The following MAX variants were observed in gnomAD, a reference collection of about 807,000 sequenced individuals.
MAX encodes the protein MYC associated transcriptional regulator X.
Under a neutral mutation model 22.3 loss-of-function variants are expected in MAX, and 3 were observed. The ratio of observed to expected loss-of-function variants is 0.13; its 90% confidence interval spans 0.06 to 0.35. The LOEUF is 0.35. Among genes scored for constraint, MAX ranks in the 10% least tolerant of loss-of-function variants. The pLI, the probability that MAX is intolerant of heterozygous loss-of-function variation, is 1.00. For synonymous variants in MAX, 72 were observed against 77.7 expected (o/e 0.93, Z 0.39); for missense variants, 119 against 209.4 (o/e 0.57, Z 2.66).
intron 3 of MAX, chr14:65,015,825 C>A: frequency 7.8e-7 from 1 of 1,289,110 alleles, no homozygotes; most frequent in Non-Finnish European, 1.1e-6. Flanking sequence ...AACAGTGCCA[C>A]AAAGAAATCT....
At chr14:65,085,893 T>C (rs570469888) in intron 3 of MAX, among the ~76,000 whole-genome samples, 68 of 151,994 alleles carry the variant, frequency 4.5e-4, no homozygotes, top group African/African-American at 1.4e-3. Flanking sequence ...AGAAGAGGGG[T>C]TGATATGGTT....
chr14:65,084,042 G>C lies in MAX; in HGVS notation c.172-6006C>G. ...CAGCACAGACCCATGGCTCCTTGAAGGCTTCCTGCTGCCAGGGCCTCCCCA... is the reference window on the plus strand; with the variant it reads ...CAGCACAGACCCATGGCTCCTTGAACGCTTCCTGCTGCCAGGGCCTCCCCA... On this transcript the variant is annotated intron_variant, in intron 3 of 4. Transcript: ENST00000358664. The surrounding 1 kb of genome is among the most constrained non-coding windows in gnomAD (Gnocchi z 4.3). 1 of 1,589,368 alleles carries C rather than the reference G, an allele frequency of 6.3e-7. No individual in the cohort carries two copies. The highest frequency in any genetic ancestry group is 2.3e-5 in the East Asian group (1 of 44,088).
chr14:65,037,254 C>T (rs986161127), intron 3 of MAX, among the ~76,000 whole-genome samples: 1 of 151,244 alleles, frequency 6.6e-6, no homozygotes, highest in African/African-American at 2.4e-5. Context: ...CAGAAGCCCA[C>T]GACCACGCCC....
intron 3 of MAX, among the ~76,000 whole-genome samples, chr14:65,089,373 G>A (rs986076465): frequency 2.6e-5 from 4 of 152,032 alleles, no homozygotes; most frequent in African/African-American, 9.7e-5. Context: ...CTCCAACACA[G>A]CTCTCCCCAT....
intron 3 of MAX, among the ~76,000 whole-genome samples, chr14:65,068,679 CA>C (rs2062956239): frequency 6.6e-6 from 1 of 152,128 alleles, no homozygotes; most frequent in African/African-American, 2.4e-5. Flanking sequence ...GTCTGTTTAA[CA>C]GACCCCACAC....
chr14:65,061,529 ATCTATCAGC>A (rs2062865342), intron 3 of MAX: 14 of 698,184 alleles, frequency 2.0e-5, no homozygotes, highest in Non-Finnish European at 3.1e-5. Flanking sequence ...CAAACCAAAA[ATCTATCAGC>A]CCACGTGGTG....
intron 3 of MAX, among the ~76,000 whole-genome samples, chr14:65,010,066 T>A (rs1192337796): frequency 6.6e-6 from 1 of 152,220 alleles, no homozygotes; most frequent in African/African-American, 2.4e-5. Flanking sequence ...CTGCTCTGAA[T>A]GCTCTTGGAG....
In MAX at chr14:65,012,367, G is replaced by A. The variant is rs1244667794; in HGVS notation, c.172-6083C>T. On this transcript the variant is annotated intron_variant, in intron 3 of 3. Transcript: ENST00000341653. The surrounding 1 kb of genome is among the most constrained non-coding windows in gnomAD (Gnocchi z 5.0). ...TTCCATTATCTGAAAAGAGGCCTTC[G>A]ACAACTGACAGATGCCTATGAGGTA... is the stretch of plus-strand genomic sequence containing the variant. The A allele has an allele frequency of 4.3e-6, 7 of 1,613,976 alleles. No homozygotes were observed. The South Asian group carries it at 4.4e-5, about 10-fold the overall frequency.
In MAX at chr14:65,044,332, A is replaced by G. The variant is rs1328133812; in HGVS notation, c.172-38048T>C. On this transcript the variant is annotated intron_variant, in intron 3 of 3. Transcript: ENST00000341653. This position sits in a 1 kb window ranked among gnomAD's most constrained non-coding sequence, Gnocchi z 5.5. ...TCAGCAATGGGTGACAAGCCGGCAG[A>G]TGCGATTTGAAGGAGGATTTCAGGG... 6.2e-7 allele frequency: 1 copy of G among 1,613,444 alleles called. No individual in the cohort carries two copies. The highest frequency in any genetic ancestry group is 8.5e-7 in the Non-Finnish European group (1 of 1,179,824).
At chr14:65,055,626 C>T (rs984208447) in intron 3 of MAX, among the ~76,000 whole-genome samples, 30 of 152,046 alleles carry the variant, frequency 2.0e-4, no homozygotes, top group Admixed American at 5.2e-4. Context: ...AAGCAATTCT[C>T]GTGCCTCAGC....
chr14:65,093,612 C>T lies in MAX; in HGVS notation c.171+96G>A. 1 of 768,578 alleles carries T rather than the reference C, an allele frequency of 1.3e-6. No individual in the cohort carries two copies. Among genetic ancestry groups the T allele is most frequent in the Non-Finnish European group, 2.4e-6 (1 of 418,294 alleles). The allele number at this position is 768,578 out of a possible 1,614,324, so 47.6% of individuals were successfully genotyped here. ...AACCATGCTACCTGAATATCTCTGA[C>T]TACATTTCCTTCCCAATAGGTGAGT... On this transcript the variant is annotated intron_variant, in intron 3 of 4. Transcript: ENST00000358664. This position sits in a 1 kb window ranked among gnomAD's most constrained non-coding sequence, Gnocchi z 4.4.
At position 65,027,797 on chromosome 14, in the gene MAX, C is replaced by T; in HGVS notation, c.172-21513G>A. On this transcript the variant is annotated intron_variant, in intron 3 of 3. Coordinates refer to the MAX transcript ENST00000341653. This position sits in a 1 kb window ranked among gnomAD's most constrained non-coding sequence, Gnocchi z 5.7. ...TGGATGTGAGGTGAGTGGGGTTTTG[C>T]ACAGGCTGCCACATCAGTTGACTCT... 6.2e-7 allele frequency: 1 copy of T among 1,613,872 alleles called. No individual in the cohort carries two copies. The highest frequency in any genetic ancestry group is 1.3e-5 in the African/African-American group (1 of 74,994).
intron 1 of MAX, 36 bp from the exon 2 acceptor site, chr14:65,101,608 A>T: frequency 6.7e-7 from 1 of 1,502,220 alleles, no homozygotes; most frequent in Non-Finnish European, 9.2e-7. Context: ...TAGAAAATAT[A>T]GAAGTTATTT....
At chr14:65,022,162 T>C (rs2061900633) in intron 3 of MAX, 1 of 435,620 alleles carries the variant, frequency 2.3e-6, no homozygotes, top group Non-Finnish European at 4.6e-6. Context: ...GAAGCTGTTT[T>C]AGTTAGTACG....
rs1357813316 is a variant in MAX at position 65,088,660 on chromosome 14, C to G, written c.171+5048G>C. Among the ~76,000 whole-genome samples, 1 of 152,198 alleles carries G rather than the reference C, an allele frequency of 6.6e-6. No homozygotes were observed. Among genetic ancestry groups the G allele is most frequent in the East Asian group, 1.9e-4 (1 of 5,202 alleles). On this transcript the variant is annotated intron_variant, in intron 3 of 4. Transcript: ENST00000358664. The surrounding 1 kb of genome is among the most constrained non-coding windows in gnomAD (Gnocchi z 5.2). Reference sequence around the variant, plus strand: ...GTGGCCAGGTTGATGGGGGATTCCTCCCCTCAGTTAATAAATATTCACTAT... The same window carrying G: ...GTGGCCAGGTTGATGGGGGATTCCTGCCCTCAGTTAATAAATATTCACTAT...
chr14:65,076,863 G>T lies in MAX; in HGVS notation c.296-200C>A. 1 of 659,154 alleles carries T rather than the reference G, an allele frequency of 1.5e-6. No individual in the cohort carries two copies. Among genetic ancestry groups the T allele is most frequent in the Non-Finnish European group, 2.7e-6 (1 of 365,356 alleles). 40.8% of individuals were successfully genotyped at this position (659,154 alleles called of 1,614,324 possible). A position where few individuals can be genotyped will look rare whatever the true frequency, so the allele number is the denominator to read the frequency against. On this transcript the variant is annotated intron_variant, in intron 4 of 4. Transcript: ENST00000358664. The surrounding 1 kb of genome is among the most constrained non-coding windows in gnomAD (Gnocchi z 6.6). ...CTCCCGCCTTTCCCAGCTGGACCTGGGAGCCAGCAGACACTCTGCAATCCC... is the reference window on the plus strand; with the variant it reads ...CTCCCGCCTTTCCCAGCTGGACCTGTGAGCCAGCAGACACTCTGCAATCCC...
chr14:65,077,104 G>A lies in MAX; in HGVS notation c.296-441C>T, dbSNP rs566235860. On this transcript the variant is annotated intron_variant, in intron 4 of 4. Transcript: ENST00000358664. This position sits in a 1 kb window ranked among gnomAD's most constrained non-coding sequence, Gnocchi z 6.3. ...AAAGAACAGTTTTGGCTTAGCTCTC[G>A]TGTACAAGATCCACTTGGAATGACA... The A allele has an allele frequency of 4.9e-5, 29 of 588,970 alleles. 1 individual carries two copies. The South Asian group carries it at 5.2e-4, about 11-fold the overall frequency. The allele number at this position is 588,970 out of a possible 1,614,324, so 36.5% of individuals were successfully genotyped here.
At chr14:65,061,161 A>C (rs1386368575) in intron 3 of MAX, 2 of 1,613,366 alleles carry the variant, frequency 1.2e-6, no homozygotes, top group Non-Finnish European at 1.7e-6. Context: ...ATTAACTGGC[A>C]CCTTTTCTTC....
At chr14:65,068,965 C>A (rs1204932226) in intron 3 of MAX, among the ~76,000 whole-genome samples, 5 of 152,144 alleles carry the variant, frequency 3.3e-5, no homozygotes, top group Non-Finnish European at 7.4e-5. Context: ...GGGCAGGGTT[C>A]AATGTCACAG....
Sources: gnomAD v4.1 joint callset for allele counts (sites outside exome capture counted in the v4.1 genomes callset) on GRCh38, gnomAD v4.1.1 for gene constraint, Gnocchi (gnomAD v3.1) non-coding constraint, MANE v1.5 for transcripts, NCBI Gene and HGNC (gene_info 2026-07-23, HGNC 2026-07-21) for gene names.